Variants in ACVR1 observed in about 807,000 individuals in gnomAD.
The protein encoded by ACVR1 is activin receptor type-1.
Under a neutral mutation model 57.1 loss-of-function variants are expected in ACVR1, and 38 were observed. The ratio of observed to expected loss-of-function variants is 0.67; its 90% confidence interval spans 0.51 to 0.87. ACVR1 has a LOEUF of 0.87. ACVR1 is among the 40% of genes least tolerant of loss of function. ACVR1 has a pLI of 0.00. For missense variants in ACVR1, 463 were observed against 638.2 expected, an observed-to-expected ratio of 0.73 and a Z score of 2.96; for synonymous variants, 212 against 228.1, an observed-to-expected ratio of 0.93 and a Z score of 0.63.
intron 9 of ACVR1, among the ~76,000 whole-genome samples, chr2:157,749,271 T>C (rs1685088452): frequency 6.6e-6 from 1 of 152,212 alleles, no homozygotes; most frequent in Non-Finnish European, 1.5e-5. Flanking sequence ...TTTGGGTACA[T>C]GAAAGGCAAG....
chr2:157,873,595 T>C (rs1300214835), intron 1 of ACVR1, among the ~76,000 whole-genome samples: 1 of 152,194 alleles, frequency 6.6e-6, no homozygotes, highest in East Asian at 1.9e-4. Flanking sequence ...CTTCACCTCA[T>C]GACCTTGAAG....
intron 1 of ACVR1, among the ~76,000 whole-genome samples, chr2:157,830,096 G>A (rs1351755381): frequency 1.3e-5 from 2 of 152,180 alleles, no homozygotes; most frequent in Admixed American, 1.3e-4. Context: ...GCAGGCTCCT[G>A]TAATCCCAGC....
At chr2:157,760,838 G>C (rs368553363) in intron 9 of ACVR1, 42 bp downstream of exon 9, 1 of 1,590,074 alleles carries the variant, frequency 6.3e-7, no homozygotes, top group Non-Finnish European at 8.6e-7. Flanking sequence ...TGGATCAAGA[G>C]AACTTGGATT....
At chr2:157,873,229 C>T (rs1219949398) in intron 1 of ACVR1, among the ~76,000 whole-genome samples, 1 of 152,150 alleles carries the variant, frequency 6.6e-6, no homozygotes, top group Non-Finnish European at 1.5e-5. Context: ...GTTCTGAAGT[C>T]CTGCAGACCT....
At chr2:157,831,602 T>C (rs932896770) in intron 1 of ACVR1, among the ~76,000 whole-genome samples, 1 of 152,168 alleles carries the variant, frequency 6.6e-6, no homozygotes, top group East Asian at 1.9e-4. Flanking sequence ...TTTACCAAAA[T>C]TGGGACTGGG....
chr2:157,870,277 G>A (rs897818625), intron 1 of ACVR1, among the ~76,000 whole-genome samples: 1 of 152,102 alleles, frequency 6.6e-6, no homozygotes, highest in Admixed American at 6.5e-5. Context: ...TTATATTTTG[G>A]AGGGCCTATC....
rs185390294 is a variant in ACVR1, at chr2:157,866,444, C to T, written c.-183+9352G>A. 1.3e-4 allele frequency among the ~76,000 whole-genome samples: 19 copies of T among 151,790 alleles called. No individual in the cohort carries two copies. In the East Asian group the frequency reaches 1.4e-3, roughly 11 times the overall value. ...TCCTAAGCAAACAAGCCAAGGGAGG[C>T]GGGGGGGAAAGCTTCTCTGAATTTG... On this transcript the variant is annotated intron_variant, in intron 1 of 10. Coordinates refer to ENST00000434821, the MANE Select transcript of ACVR1 (RefSeq NM_001111067.4).
chr2:157,754,970 A>T (rs984299865), intron 9 of ACVR1, among the ~76,000 whole-genome samples: 12 of 152,254 alleles, frequency 7.9e-5, no homozygotes, highest in Admixed American at 3.3e-4. Flanking sequence ...CAAGTCAATA[A>T]ATGTCATACA....
intron 1 of ACVR1, among the ~76,000 whole-genome samples, chr2:157,851,589 C>A (rs1241665268): frequency 6.6e-6 from 1 of 152,090 alleles, no homozygotes; most frequent in Non-Finnish European, 1.5e-5. Flanking sequence ...TTCTGTATAG[C>A]TGAAAAGAAC....
At chr2:157,755,823 G>A (rs144027620) in intron 9 of ACVR1, among the ~76,000 whole-genome samples, 2,606 of 151,784 alleles carry the variant, frequency 0.017, 68 homozygotes, top group African/African-American at 0.056. Flanking sequence ...ATCCTAAAAT[G>A]TATATGGAAC....
intron 1 of ACVR1, among the ~76,000 whole-genome samples, chr2:157,867,131 T>C (rs1232888253): frequency 1.3e-5 from 2 of 152,166 alleles, no homozygotes; most frequent in African/African-American, 4.8e-5. Context: ...CAACCTTCCA[T>C]TTTCTTTTAA....
At chr2:157,750,003 C>G (rs576293395) in intron 9 of ACVR1, among the ~76,000 whole-genome samples, 38 of 152,316 alleles carry the variant, frequency 2.5e-4, no homozygotes, top group African/African-American at 8.9e-4. Context: ...TGTGTGTATA[C>G]CTTCTGGGGG....
intron 1 of ACVR1, among the ~76,000 whole-genome samples, chr2:157,873,699 TATCATGACA>T (rs1690185168): frequency 1.3e-5 from 2 of 152,292 alleles, no homozygotes; most frequent in African/African-American, 4.8e-5. Flanking sequence ...CCTAGAAGCC[TATCATGACA>T]ATCATGGGAC....
intron 3 of ACVR1, among the ~76,000 whole-genome samples, chr2:157,796,316 C>T (rs1172981688): frequency 6.6e-6 from 1 of 151,962 alleles, no homozygotes; most frequent in Admixed American, 6.6e-5. Context: ...CTTTGGGAGG[C>T]CGAGGTGGGT....
rs548331444 is a variant in ACVR1 at position 157,764,196 on chromosome 2, T to A, written c.1066+1725A>T. Among the ~76,000 whole-genome samples, 95 of 152,112 alleles carry A rather than the reference T, an allele frequency of 6.2e-4. 1 individual carries two copies. Among genetic ancestry groups the A allele is most frequent in the Middle Eastern group, 3.4e-3 (1 of 294 alleles). On this transcript the variant is annotated intron_variant, in intron 8 of 10. Transcript: ENST00000434821. Reference sequence around the variant, plus strand: ...ATATGATCACACTATATATATATTTTTTTTTAGACGAAGTCTCGCTCTGTC... The same window carrying A: ...ATATGATCACACTATATATATATTTATTTTTAGACGAAGTCTCGCTCTGTC...
intron 1 of ACVR1, among the ~76,000 whole-genome samples, chr2:157,853,033 A>AGG (rs1689377407): frequency 6.6e-6 from 1 of 152,362 alleles, no homozygotes; most frequent in South Asian, 2.1e-4. Flanking sequence ...ATAAGATCTC[A>AGG]AAACTAGAAG....
At chr2:157,767,519 A>G (rs1685911406) in intron 7 of ACVR1, among the ~76,000 whole-genome samples, 1 of 152,166 alleles carries the variant, frequency 6.6e-6, no homozygotes, top group South Asian at 2.1e-4. Flanking sequence ...GAAGTTTGGG[A>G]CTTAAAAAGA....
intron 1 of ACVR1, among the ~76,000 whole-genome samples, chr2:157,874,114 C>T (rs1325802459): frequency 6.6e-6 from 1 of 152,186 alleles, no homozygotes; most frequent in East Asian, 1.9e-4. Context: ...CTATAATCAT[C>T]CCAATCCTTA....
At chr2:157,821,951 C>A (rs1242775190) in intron 1 of ACVR1, among the ~76,000 whole-genome samples, 2 of 152,142 alleles carry the variant, frequency 1.3e-5, no homozygotes, top group Admixed American at 1.3e-4. Flanking sequence ...TCTTGGCAGT[C>A]CACACAACAG....
Sources: gnomAD v4.1 joint callset for allele counts (sites outside exome capture counted in the v4.1 genomes callset) on GRCh38, gnomAD v4.1.1 for gene constraint, MANE v1.5 for transcripts, NCBI Gene and HGNC (gene_info 2026-07-23, HGNC 2026-07-21) for gene names.